OR51B5: variants seen among roughly 807,000 people sequenced by gnomAD.
OR51B5 encodes the protein olfactory receptor 51B5.
For missense variants in OR51B5, 456 were observed against 374.6 expected, an observed-to-expected ratio of 1.22 and a Z score of -1.79; for synonymous variants, 186 against 144.8, an observed-to-expected ratio of 1.28 and a Z score of -2.04.
In OR51B5 at chr11:5,451,603, GA is replaced by G. The variant is rs373895034; in HGVS notation, n.84+53965del. Among the ~76,000 whole-genome samples the G allele has an allele frequency of 9.9e-4, 150 of 152,254 alleles. 3 individuals carry two copies. The highest frequency in any genetic ancestry group is 3.5e-3 in the African/African-American group (147 of 41,536). On this transcript the variant is annotated intron_variant and non_coding_transcript_variant, in intron 1 of 4. Coordinates refer to the OR51B5 transcript ENST00000415970. ...TACCTGTGAGTTATGTATTGCTGGGGATATTTTAAAAATGCTTCCTGGGGTG... is the reference window on the plus strand; with the variant it reads ...TACCTGTGAGTTATGTATTGCTGGGGTATTTTAAAAATGCTTCCTGGGGTG...
chr11:5,403,218 A>G (rs761834739), intron 1 of OR51B5: 9 of 471,128 alleles, frequency 1.9e-5, no homozygotes, highest in Non-Finnish European at 4.0e-5. Flanking sequence ...TGTTACCTCT[A>G]CTTTTGGGCT....
intron 1 of OR51B5, among the ~76,000 whole-genome samples, chr11:5,483,105 C>G (rs1851448277): frequency 6.6e-6 from 1 of 150,760 alleles, no homozygotes; most frequent in Non-Finnish European, 1.5e-5. Flanking sequence ...TTGGAACCAA[C>G]CCAAATGTCC....
intron 1 of OR51B5, among the ~76,000 whole-genome samples, chr11:5,439,132 T>G (rs1218603417): frequency 6.6e-6 from 1 of 152,046 alleles, no homozygotes; most frequent in Non-Finnish European, 1.5e-5. Context: ...CAGTTCTATT[T>G]GCCTGAATGG....
At chr11:5,453,555 T>C in intron 1 of OR51B5, 3 of 1,609,326 alleles carry the variant, frequency 1.9e-6, no homozygotes, top group Non-Finnish European at 1.7e-6. Flanking sequence ...TCTGGAGAGC[T>C]CTCACTCCTG....
intron 1 of OR51B5, chr11:5,423,134 A>C (rs1313808297): frequency 6.9e-6 from 11 of 1,597,836 alleles, no homozygotes; most frequent in Middle Eastern, 1.7e-4. Flanking sequence ...CCTTTCCCTC[A>C]AAAATATGCA....
At chr11:5,477,669 C>T (rs1379541701) in intron 1 of OR51B5, among the ~76,000 whole-genome samples, 1 of 152,032 alleles carries the variant, frequency 6.6e-6, no homozygotes, top group Non-Finnish European at 1.5e-5. Flanking sequence ...CGTGCGCGAG[C>T]CGAAGCAGGG....
At chr11:5,460,564 A>C (rs1426453028) in intron 1 of OR51B5, among the ~76,000 whole-genome samples, 1 of 151,962 alleles carries the variant, frequency 6.6e-6, no homozygotes, top group African/African-American at 2.4e-5. Flanking sequence ...CAGATTCTGA[A>C]TTCTTTATCT....
chr11:5,412,191 T>C (rs759184091), intron 1 of OR51B5, among the ~76,000 whole-genome samples: 4 of 152,218 alleles, frequency 2.6e-5, no homozygotes, highest in Non-Finnish European at 4.4e-5. Flanking sequence ...CCTTCTGATA[T>C]GCAAATCATT....
intron 1 of OR51B5, among the ~76,000 whole-genome samples, chr11:5,416,045 G>A (rs11603667): frequency 4.1e-4 from 60 of 147,500 alleles, no homozygotes; most frequent in Non-Finnish European, 6.9e-4. Context: ...CTGGCAAAAC[G>A]AATCCAGCAG....
chr11:5,399,623 C>T (rs928087686), intron 1 of OR51B5, among the ~76,000 whole-genome samples: 1 of 151,986 alleles, frequency 6.6e-6, no homozygotes, highest in Non-Finnish European at 1.5e-5. Context: ...CTACATGATC[C>T]CTTTTGTAAC....
chr11:5,376,278 C>A (rs4382941), intron 1 of OR51B5, among the ~76,000 whole-genome samples: 41,107 of 151,770 alleles, frequency 0.27, 5,832 homozygotes, highest in African/African-American at 0.33. Flanking sequence ...AACAAAGACA[C>A]AACATACCAG....
intron 1 of OR51B5, chr11:5,489,572 C>T (rs781665830): frequency 1.2e-6 from 2 of 1,613,934 alleles, no homozygotes; most frequent in Non-Finnish European, 1.7e-6. Context: ...CTGGTGCCTC[C>T]TGTACTCAAT....
intron 1 of OR51B5, chr11:5,440,484 C>T (rs1850660974): frequency 1.2e-6 from 1 of 855,788 alleles, no homozygotes; most frequent in Non-Finnish European, 1.9e-6. Flanking sequence ...ATCCTGGGTC[C>T]TCTTCATCCT....
chr11:5,405,529 CTTTT>C (rs35591014), intron 1 of OR51B5, among the ~76,000 whole-genome samples: 1 of 151,246 alleles, frequency 6.6e-6, no homozygotes, highest in African/African-American at 2.4e-5. Flanking sequence ...TTAGAAAGAA[CTTTT>C]TTTTTTTTCT....
At chr11:5,424,453 A>G (rs1239737865) in intron 1 of OR51B5, among the ~76,000 whole-genome samples, 1 of 152,172 alleles carries the variant, frequency 6.6e-6, no homozygotes, top group Non-Finnish European at 1.5e-5. Context: ...GTCACCACAC[A>G]GGAAGAGGAG....
intron 1 of OR51B5, among the ~76,000 whole-genome samples, chr11:5,400,927 G>T (rs1319942634): frequency 1.3e-5 from 2 of 152,202 alleles, no homozygotes; most frequent in African/African-American, 2.4e-5. Flanking sequence ...ACAAGAATCA[G>T]ATTTTCAGCA....
chr11:5,350,776 T>C (rs4243954), intron 1 of OR51B5, among the ~76,000 whole-genome samples: 40,335 of 152,086 alleles, frequency 0.27, 5,610 homozygotes, highest in African/African-American at 0.31. Flanking sequence ...TTTGAAGCAG[T>C]GTATCAATAA....
intron 1 of OR51B5, chr11:5,441,111 A>T: frequency 6.2e-7 from 1 of 1,614,006 alleles, no homozygotes; most frequent in Non-Finnish European, 8.5e-7. Flanking sequence ...GAGCACAGTG[A>T]CATAGCGTAA....
At chr11:5,343,376 T>C (rs758298388) in exon 1 of OR51B5, 1 of 1,613,916 alleles carries the variant, frequency 6.2e-7, no homozygotes, top group Non-Finnish European at 8.5e-7. Flanking sequence ...AAGATTGTGA[T>C]CTTCCTTAAT....
Sources: allele counts gnomAD v4.1 joint callset (sites outside exome capture counted in the v4.1 genomes callset), GRCh38; gene constraint gnomAD v4.1.1; transcripts MANE v1.5; gene names NCBI Gene and HGNC (gene_info 2026-07-23, HGNC 2026-07-21).